The following DTNBP1 variants were observed in gnomAD, a reference collection of about 807,000 sequenced individuals.
DTNBP1 encodes dysbindin.
In DTNBP1, 35 loss-of-function variants were observed where a neutral mutation model predicts 42.8. The observed-to-expected ratio is 0.82, with a 90% CI of 0.63 to 1.09. The LOEUF (loss-of-function observed/expected upper bound fraction) is 1.09, where lower values mean the gene tolerates loss of function less well. Among genes scored for constraint, DTNBP1 ranks in the 50% least tolerant of loss-of-function variants. The probability of loss-of-function intolerance (pLI) is 0.00; values close to 1 mark genes in which losing one functional copy is unlikely to be tolerated. For missense variants in DTNBP1, 457 were observed against 424.2 expected (o/e 1.08, Z -0.68); for synonymous variants, 171 against 162.2 (o/e 1.05, Z -0.41).
chr6:15,649,168 C>A (rs1399893070), intron 3 of DTNBP1, among the ~76,000 whole-genome samples: 1 of 152,062 alleles, frequency 6.6e-6, no homozygotes, highest in East Asian at 1.9e-4. Context: ...TGGGTATATA[C>A]CCAAAGGAAC....
At chr6:15,570,341 G>A (rs1775288054) in intron 7 of DTNBP1, among the ~76,000 whole-genome samples, 1 of 152,132 alleles carries the variant, frequency 6.6e-6, no homozygotes, top group South Asian at 2.1e-4. Context: ...AGCTTCTTGA[G>A]GGCAAGAATC....
rs567727855 is a variant in DTNBP1, at chr6:15,609,485, A to AT, written c.488+5781dup. ...CAGGTGCACCCTGCCATGCCCAGCTATTTTTTTGTATTTTTAGTAGAGACA... is the reference window on the plus strand; with the variant it reads ...CAGGTGCACCCTGCCATGCCCAGCTATTTTTTTTGTATTTTTAGTAGAGACA... On this transcript the variant is annotated intron_variant, in intron 6 of 9. Coordinates refer to ENST00000344537, the MANE Select transcript of DTNBP1 (RefSeq NM_032122.5). Among the ~76,000 whole-genome samples, 108 of 151,792 alleles carry AT rather than the reference A, an allele frequency of 7.1e-4. No individual in the cohort carries two copies. In the East Asian group the frequency reaches 0.013, roughly 18 times the overall value.
At chr6:15,656,843 G>A (rs1040560005) in intron 1 of DTNBP1, among the ~76,000 whole-genome samples, 4 of 152,136 alleles carry the variant, frequency 2.6e-5, no homozygotes, top group South Asian at 2.1e-4. Context: ...AACAGCGTGC[G>A]GAACCTGCAT....
At chr6:15,585,632 T>C in intron 7 of DTNBP1, 22 of 1,453,612 alleles carry the variant, frequency 1.5e-5, no homozygotes, top group Non-Finnish European at 2.0e-5. Context: ...CTGCATACCA[T>C]GCAAATACAG....
At chr6:15,621,721 T>C (rs987026786) in intron 5 of DTNBP1, among the ~76,000 whole-genome samples, 1 of 152,228 alleles carries the variant, frequency 6.6e-6, no homozygotes, top group Non-Finnish European at 1.5e-5. Context: ...AGAGAGCTAC[T>C]GCTCTCTGGC....
intron 7 of DTNBP1, chr6:15,585,766 G>A: frequency 6.5e-7 from 1 of 1,534,868 alleles, no homozygotes; most frequent in Non-Finnish European, 8.7e-7. Flanking sequence ...TGACATGGAT[G>A]TGAGACCTGA....
chr6:15,533,255 T>C lies in DTNBP1; in HGVS notation c.652A>G (p.Ile218Val), dbSNP rs2127797853. 1.9e-6 allele frequency: 3 copies of C among 1,614,050 alleles called. No homozygotes were observed. Among genetic ancestry groups the C allele is most frequent in the Non-Finnish European group, 2.5e-6 (3 of 1,179,996 alleles). Residue 218 changes from isoleucine (I) to valine (V), a missense_variant, in exon 8 of 10, where the codon ATT becomes GTT. Physicochemically the swap from Ile to Val is conservative, Grantham distance 29. Transcript: ENST00000344537. Reference sequence around the variant, plus strand: ...CCCCACTCGCCTCGCCGCTCTGCAATCTGCAGGTAGCCAGTGGACAGGTAC... The same window carrying C: ...CCCCACTCGCCTCGCCGCTCTGCAACCTGCAGGTAGCCAGTGGACAGGTAC... Reference protein sequence around the residue: ...EQYLSTGYLQIAERREPIGSM... With the variant: ...EQYLSTGYLQVAERREPIGSM...
intron 6 of DTNBP1, among the ~76,000 whole-genome samples, chr6:15,605,450 A>T (rs975317781): frequency 6.6e-6 from 1 of 152,166 alleles, no homozygotes; most frequent in African/African-American, 2.4e-5. Flanking sequence ...ATATCTTCTC[A>T]GAAGAGCCTG....
chr6:15,556,827 A>T (rs1010637105), intron 7 of DTNBP1, among the ~76,000 whole-genome samples: 1 of 152,016 alleles, frequency 6.6e-6, no homozygotes, highest in Admixed American at 6.6e-5. Context: ...CACTCAGGGC[A>T]ACTGTCCTCT....
chr6:15,538,410 C>T (rs11757220), intron 7 of DTNBP1, among the ~76,000 whole-genome samples: 2 of 152,172 alleles, frequency 1.3e-5, no homozygotes, highest in Non-Finnish European at 2.9e-5. Context: ...TGGCAATGAC[C>T]TGAAGGGCCC....
chr6:15,600,604 T>C (rs1014838728), intron 6 of DTNBP1, among the ~76,000 whole-genome samples: 6 of 152,134 alleles, frequency 3.9e-5, no homozygotes, highest in Non-Finnish European at 8.8e-5. Flanking sequence ...TAAGAGGCTA[T>C]TAGTGTAACT....
intron 6 of DTNBP1, among the ~76,000 whole-genome samples, chr6:15,599,421 G>A (rs1478493727): frequency 6.6e-6 from 1 of 152,170 alleles, no homozygotes. Context: ...AAAACCCACA[G>A]CTGACTCTGC....
intron 6 of DTNBP1, among the ~76,000 whole-genome samples, chr6:15,613,320 A>T (rs1292174945): frequency 6.9e-6 from 1 of 145,322 alleles, no homozygotes; most frequent in African/African-American, 2.5e-5. Context: ...AAAAAAAAAA[A>T]AAAAAAAAAA....
chr6:15,557,120 A>G (rs1214617813), intron 7 of DTNBP1, among the ~76,000 whole-genome samples: 1 of 152,202 alleles, frequency 6.6e-6, no homozygotes, highest in Non-Finnish European at 1.5e-5. Context: ...CAAAAATAAA[A>G]GTTGCTAAGA....
At chr6:15,591,552 A>G (rs1776298814) in intron 7 of DTNBP1, among the ~76,000 whole-genome samples, 1 of 152,210 alleles carries the variant, frequency 6.6e-6, no homozygotes, top group Non-Finnish European at 1.5e-5. Context: ...GGTGGATTTG[A>G]TGTGCTGTTA....
At chr6:15,553,174 T>C (rs995954908) in intron 7 of DTNBP1, among the ~76,000 whole-genome samples, 17 of 152,082 alleles carry the variant, frequency 1.1e-4, no homozygotes, top group Non-Finnish European at 2.1e-4. Context: ...CCTGTTATAT[T>C]TGCATTTCCT....
In DTNBP1 at chr6:15,651,332, C is replaced by T. The variant is rs1177372785; in HGVS notation, c.142G>A (p.Gly48Arg). ...TVPFLPKYSA[G>R]LELLSRYEDT... is the part of the protein sequence containing the mutation. ...ACTTACCTGCTAAGTAATTCTAATC[C>T]AGCAGAGTACTTTGGCAAAAATGGA... The change falls in exon 3 of 10, where the codon GGA becomes AGA. Residue 48 changes from glycine (G) to arginine (R), a missense_variant. Transcript: ENST00000344537. 6.2e-7 allele frequency: 1 copy of T among 1,610,944 alleles called. No individual in the cohort carries two copies. Among genetic ancestry groups the T allele is most frequent in the Non-Finnish European group, 8.5e-7 (1 of 1,179,582 alleles).
chr6:15,630,047 G>A (rs1287205194), intron 4 of DTNBP1, among the ~76,000 whole-genome samples: 1 of 152,024 alleles, frequency 6.6e-6, no homozygotes, highest in Non-Finnish European at 1.5e-5. Context: ...TTCACCCCCA[G>A]GAAATTAAGT....
intron 8 of DTNBP1, among the ~76,000 whole-genome samples, chr6:15,530,056 T>C (rs1249791863): frequency 2.0e-5 from 3 of 152,292 alleles, no homozygotes; most frequent in African/African-American, 7.2e-5. Flanking sequence ...AAACTTTCCA[T>C]GGCCTTGTCT....
Sources: allele counts gnomAD v4.1 joint callset (sites outside exome capture counted in the v4.1 genomes callset), GRCh38; gene constraint gnomAD v4.1.1; transcripts MANE v1.5; gene names NCBI Gene and HGNC (gene_info 2026-07-23, HGNC 2026-07-21).